The following SNX13 variants were observed in gnomAD, a reference collection of about 807,000 sequenced individuals.
SNX13 encodes sorting nexin-13.
A neutral mutation model predicts 133.6 loss-of-function variants in SNX13; 45 were observed. The observed-to-expected ratio is 0.34, with a 90% CI of 0.27 to 0.43. The LOEUF (loss-of-function observed/expected upper bound fraction) is 0.43. SNX13 is among the 20% of genes least tolerant of loss of function. The pLI is 1.00. For missense variants in SNX13, 1,032 were observed against 1,145.1 expected, an observed-to-expected ratio of 0.90 and a Z score of 1.43; for synonymous variants, 414 against 373.9, an observed-to-expected ratio of 1.11 and a Z score of -1.24.
intron 1 of SNX13, among the ~76,000 whole-genome samples, chr7:17,925,830 A>G (rs1800687099): frequency 6.6e-6 from 1 of 152,108 alleles, no homozygotes; most frequent in Admixed American, 6.6e-5. Context: ...AAAAGAGGAG[A>G]AAGTGGAGGA....
Position 17,850,426 on chromosome 7 carries a change from G to C in SNX13, c.986C>G (p.Thr329Ser). The C allele has an allele frequency of 6.4e-7, 1 of 1,563,260 alleles. No homozygotes were observed. Among genetic ancestry groups the C allele is most frequent in the Non-Finnish European group, 8.7e-7 (1 of 1,151,718 alleles). The change falls in exon 11 of 26, where the codon ACT becomes AGT. Residue 329 changes from threonine (T) to serine (S), a missense_variant. Physicochemically the swap from Thr to Ser is moderately conservative, Grantham distance 58. Transcript: ENST00000428135. ...TAAGCTATTTATTTGATTTTTGATA[G>C]TGTTGATATCTAAAAGCAAAGAAAT... is the stretch of plus-strand genomic sequence containing the variant. ...SLDTAGDDIN[T>S]IKNQINSLLF...
chr7:17,911,553 T>C (rs1245886212), intron 1 of SNX13, among the ~76,000 whole-genome samples: 1 of 150,744 alleles, frequency 6.6e-6, no homozygotes, highest in Non-Finnish European at 1.5e-5. Context: ...GCAGGAGAAC[T>C]GCTTGAACCA....
intron 1 of SNX13, among the ~76,000 whole-genome samples, chr7:17,923,255 G>A (rs1800330058): frequency 6.6e-6 from 1 of 152,068 alleles, no homozygotes; most frequent in African/African-American, 2.4e-5. Context: ...TAATAATCAG[G>A]AAAAATAACT....
At chr7:17,829,892 A>G (rs1480765825) in intron 16 of SNX13, 118 bp downstream of exon 16, 13 of 611,698 alleles carry the variant, frequency 2.1e-5, no homozygotes, top group Non-Finnish European at 3.1e-5. Context: ...ATAACTTTTT[A>G]CAATACTAAA....
chr7:17,914,618 C>T (rs1799342835), intron 1 of SNX13, among the ~76,000 whole-genome samples: 1 of 152,138 alleles, frequency 6.6e-6, no homozygotes, highest in African/African-American at 2.4e-5. Flanking sequence ...AATGTCATAT[C>T]CCACCAAACT....
chr7:17,915,892 C>T (rs937806003), intron 1 of SNX13, among the ~76,000 whole-genome samples: 2 of 152,156 alleles, frequency 1.3e-5, no homozygotes, highest in Non-Finnish European at 2.9e-5. Flanking sequence ...CTAAGACTGT[C>T]CACATTGCTC....
chr7:17,802,203 C>G (rs1284711470), intron 21 of SNX13, among the ~76,000 whole-genome samples: 1 of 151,910 alleles, frequency 6.6e-6, no homozygotes, highest in Non-Finnish European at 1.5e-5. Flanking sequence ...CTTACACATA[C>G]CATCTAGGTT....
chr7:17,891,824 AT>A (rs1214107273), intron 3 of SNX13, among the ~76,000 whole-genome samples, 189 bp from the exon 4 acceptor site: 5 of 152,110 alleles, frequency 3.3e-5, no homozygotes, highest in Non-Finnish European at 5.9e-5. Context: ...TCCCAAAAAA[AT>A]GATTATCCTC....
chr7:17,819,193 C>A (rs1417322521), intron 18 of SNX13, among the ~76,000 whole-genome samples: 3 of 152,144 alleles, frequency 2.0e-5, no homozygotes, highest in Non-Finnish European at 1.5e-5. Flanking sequence ...TTATTAAAAT[C>A]TTTAAGGAAA....
chr7:17,897,457 G>GA lies in SNX13; in HGVS notation c.13-12dup, dbSNP rs749103646. ...TATGGATAGACTGGCCTGAAATACAGAAAAAATATAAGTAAATTAGTAAAT... is the reference window on the plus strand; with the variant it reads ...TATGGATAGACTGGCCTGAAATACAGAAAAAAATATAAGTAAATTAGTAAAT... On this transcript the variant is annotated splice_polypyrimidine_tract_variant and intron_variant, in intron 1 of 25. Transcript: ENST00000428135. 4.8e-6 allele frequency: 7 copies of GA among 1,445,456 alleles called. No homozygotes were observed. The highest frequency in any genetic ancestry group is 2.4e-5 in the East Asian group (1 of 41,932). The allele number at this position is 1,445,456 out of a possible 1,614,324, so 89.5% of individuals were successfully genotyped here. A position where few individuals can be genotyped will look rare whatever the true frequency, so the allele number is the denominator to read the frequency against.
chr7:17,814,953 A>G lies in SNX13; in HGVS notation c.1954-9T>C, dbSNP rs77003957. On this transcript the variant is annotated splice_polypyrimidine_tract_variant and intron_variant, in intron 19 of 25. Coordinates refer to ENST00000428135, the MANE Select transcript of SNX13 (RefSeq NM_015132.5). ...TCAGGAGCTAACAGTAACTAACAAGAAAAAAAAAAAAAAGAAGAGATTATC... is the reference window on the plus strand; with the variant it reads ...TCAGGAGCTAACAGTAACTAACAAGGAAAAAAAAAAAAAGAAGAGATTATC... The G allele has an allele frequency of 5.2e-6, 3 of 573,662 alleles. No homozygotes were observed. Among genetic ancestry groups the G allele is most frequent in the Non-Finnish European group, 6.8e-6 (3 of 444,070 alleles). 35.5% of individuals were successfully genotyped at this position (573,662 alleles called of 1,614,324 possible).
chr7:17,915,641 C>G (rs907916199), intron 1 of SNX13, among the ~76,000 whole-genome samples: 1 of 152,088 alleles, frequency 6.6e-6, no homozygotes, highest in Non-Finnish European at 1.5e-5. Context: ...CTCTCTCTCT[C>G]GTCCTTTCTT....
At chr7:17,834,944 A>C in intron 13 of SNX13, 79 bp from the exon 14 acceptor site, 1 of 818,384 alleles carries the variant, frequency 1.2e-6, no homozygotes, top group African/African-American at 1.8e-5. Flanking sequence ...TAATAATGGA[A>C]TCATATTATT....
chr7:17,894,543 A>T (rs142743958), intron 2 of SNX13, among the ~76,000 whole-genome samples: 31 of 152,182 alleles, frequency 2.0e-4, no homozygotes, highest in African/African-American at 6.3e-4. Flanking sequence ...AAGAAAATAT[A>T]AATGTATCCC....
intron 8 of SNX13, among the ~76,000 whole-genome samples, chr7:17,871,292 A>G (rs1794092382): frequency 6.6e-6 from 1 of 152,182 alleles, no homozygotes. Context: ...GGCGTGAGCC[A>G]CCGCGCCTGG....
intron 9 of SNX13, among the ~76,000 whole-genome samples, chr7:17,859,751 T>C (rs1792400131): frequency 6.6e-6 from 1 of 152,136 alleles, no homozygotes; most frequent in Non-Finnish European, 1.5e-5. Flanking sequence ...GATCATGCAG[T>C]ATTTGTCTTT....
In SNX13 at chr7:17,803,592, A is replaced by G; in HGVS notation, c.2065-12T>C. 1.9e-6 allele frequency: 3 copies of G among 1,596,818 alleles called. No individual in the cohort carries two copies. The highest frequency in any genetic ancestry group is 2.6e-6 in the Non-Finnish European group (3 of 1,171,670). ...ACAAAAGTGTCCATCTAAAGGGAAA[A>G]AAGATATTATACCATGACTTTATTG... On this transcript the variant is annotated splice_polypyrimidine_tract_variant and intron_variant, in intron 20 of 25. Transcript: ENST00000428135.
At chr7:17,918,153 G>C (rs1358751378) in intron 1 of SNX13, among the ~76,000 whole-genome samples, 2 of 151,838 alleles carry the variant, frequency 1.3e-5, no homozygotes, top group Non-Finnish European at 2.9e-5. Context: ...AACTCAAAAT[G>C]AATTAAAGAC....
intron 9 of SNX13, among the ~76,000 whole-genome samples, chr7:17,855,411 T>A (rs1400469424): frequency 8.5e-5 from 13 of 152,176 alleles, no homozygotes; most frequent in Admixed American, 8.5e-4. Context: ...AAAGATGCCA[T>A]CTACTACTTT....
Sources: allele counts gnomAD v4.1 joint callset (sites outside exome capture counted in the v4.1 genomes callset), GRCh38; gene constraint gnomAD v4.1.1; transcripts MANE v1.5; gene names NCBI Gene and HGNC (gene_info 2026-07-23, HGNC 2026-07-21).